The following WNK3 variants were observed in gnomAD, a reference collection of about 807,000 sequenced individuals.
The protein encoded by WNK3 is serine/threonine-protein kinase WNK3.
A neutral mutation model predicts 116.7 loss-of-function variants in WNK3; 18 were observed. That is an observed-to-expected ratio of 0.15 (90% CI 0.11 to 0.23). The LOEUF (loss-of-function observed/expected upper bound fraction) is 0.23, where lower values mean the gene tolerates loss of function less well. Among genes scored for constraint, WNK3 ranks in the 10% least tolerant of loss-of-function variants. WNK3 has a pLI of 1.00. For missense variants in WNK3, 993 were observed against 1,323.8 expected (o/e 0.75, Z 3.88); for synonymous variants, 404 against 469.4 (o/e 0.86, Z 1.80).
intron 2 of WNK3, among the ~76,000 whole-genome samples, chrX:54,313,414 C>T (rs782398419): frequency 2.1e-3 from 227 of 107,565 alleles, no homozygotes; most frequent in Non-Finnish European, 3.6e-3. Flanking sequence ...TGCAATGGCG[C>T]GATCTTGGCT....
intron 1 of WNK3, among the ~76,000 whole-genome samples, chrX:54,347,365 G>A (rs1303059025): frequency 2.7e-5 from 3 of 111,387 alleles, no homozygotes; most frequent in Non-Finnish European, 5.7e-5. Flanking sequence ...ATGTGCCTAT[G>A]ATCCCAGCTA....
chrX:54,280,229 G>A (rs781856811), intron 10 of WNK3, among the ~76,000 whole-genome samples: 4 of 109,678 alleles, frequency 3.6e-5, no homozygotes, highest in East Asian at 2.9e-4. Context: ...CCCGGGGAGC[G>A]GAGATTGCAG....
intron 22 of WNK3, among the ~76,000 whole-genome samples, chrX:54,222,935 TATATAA>T (rs1330873139): frequency 1.8e-4 from 17 of 95,088 alleles, no homozygotes; most frequent in African/African-American, 6.1e-4. Context: ...TATATATATA[TATATAA>T]AAAAAGACAC....
exon 16 of WNK3, chrX:54,250,007 T>C (rs782329626): frequency 1.7e-6 from 2 of 1,202,056 alleles, no homozygotes; most frequent in Non-Finnish European, 2.2e-6. Context: ...GAAGTGGATG[T>C]CGGCCAGGAA....
intron 2 of WNK3, among the ~76,000 whole-genome samples, chrX:54,313,581 C>A (rs1437762914): frequency 6.4e-5 from 7 of 110,074 alleles, no homozygotes; most frequent in African/African-American, 6.6e-5. Context: ...AACTCCTGAC[C>A]TCAGGTGATC....
intron 1 of WNK3, among the ~76,000 whole-genome samples, chrX:54,339,650 C>G (rs1294171707): frequency 1.8e-5 from 2 of 111,801 alleles, no homozygotes; most frequent in African/African-American, 6.5e-5. Context: ...TTATTTCAAC[C>G]AAACTTGTGG....
At chrX:54,349,113 A>C in intron 1 of WNK3, among the ~76,000 whole-genome samples, 1 of 112,357 alleles carries the variant, frequency 8.9e-6, no homozygotes, top group Non-Finnish European at 1.9e-5. Context: ...AGACAGGTGG[A>C]TCACCTGAGG....
In WNK3 at chrX:54,288,611, T is replaced by G. The variant is rs1172333929; in HGVS notation, c.2037+4277A>C. On this transcript the variant is annotated intron_variant, in intron 10 of 23. Transcript: ENST00000354646. ...GAATGAAGGACATCTGCTCAGGGTT[T>G]TGAAGCTGTCCTTCCACTGCCCTCT... Among the ~76,000 whole-genome samples the G allele has an allele frequency of 2.7e-5, 3 of 111,442 alleles. No individual in the cohort carries two copies. The Admixed American group carries it at 2.9e-4, about 11-fold the overall frequency.
chrX:54,330,777 C>G (rs1401936112), intron 2 of WNK3, among the ~76,000 whole-genome samples: 1 of 111,589 alleles, frequency 9.0e-6, no homozygotes, highest in Non-Finnish European at 1.9e-5. Context: ...AAACCCATCT[C>G]TACTAAAAAT....
At position 54,294,714 on chromosome X, in the gene WNK3, C is replaced by A. The variant is rs782608495; in HGVS notation, c.1532G>T (p.Cys511Phe). 34 of 1,208,802 alleles carry A rather than the reference C, an allele frequency of 2.8e-5. No individual in the cohort carries two copies. The Admixed American group carries it at 7.3e-4, about 26-fold the overall frequency. Residue 511 changes from cysteine to phenylalanine, a missense_variant, in exon 8 of 24, where the codon TGC (cysteine) becomes TTC (phenylalanine). Coordinates refer to ENST00000354646, the Ensembl canonical transcript of WNK3. ...AGGGAATACATTCCCCATAGACTTGCACTGAGAATCCCTGCGTTCTTCCAA... is the reference window on the plus strand; with the variant it reads ...AGGGAATACATTCCCCATAGACTTGAACTGAGAATCCCTGCGTTCTTCCAA...
At chrX:54,329,804 TC>T (rs1389294352) in intron 2 of WNK3, among the ~76,000 whole-genome samples, 1 of 112,020 alleles carries the variant, frequency 8.9e-6, no homozygotes, top group Non-Finnish European at 1.9e-5. Flanking sequence ...GGAAATTATT[TC>T]CCTCATTTAC....
chrX:54,266,249 T>C (rs1439630015), intron 10 of WNK3, among the ~76,000 whole-genome samples: 1 of 110,833 alleles, frequency 9.0e-6, no homozygotes, highest in African/African-American at 3.3e-5. Context: ...ATTATAACAA[T>C]TGAACTCATA....
intron 17 of WNK3, among the ~76,000 whole-genome samples, chrX:54,241,677 C>G (rs1036834985): frequency 9.0e-6 from 1 of 111,475 alleles, no homozygotes; most frequent in African/African-American, 3.3e-5. Flanking sequence ...ATAAGAGCTG[C>G]GCGCAGTGGC....
intron 23 of WNK3, among the ~76,000 whole-genome samples, chrX:54,199,506 C>G (rs782740872): frequency 8.9e-6 from 1 of 111,750 alleles, no homozygotes; most frequent in East Asian, 2.8e-4. Flanking sequence ...CTGATCATGT[C>G]AACCCTAGGG....
chrX:54,273,988 T>C (rs1222598745), intron 10 of WNK3, among the ~76,000 whole-genome samples: 5 of 111,540 alleles, frequency 4.5e-5, no homozygotes, highest in African/African-American at 1.6e-4. Flanking sequence ...CCAACACAAC[T>C]TGTCTCTCCT....
Position 54,311,119 on chromosome X carries a change from G to A in WNK3, c.710C>T (p.Thr237Met), listed in dbSNP as rs782411346. The A allele has an allele frequency of 1.2e-5, 14 of 1,142,538 alleles. No homozygotes were observed. The highest frequency in any genetic ancestry group is 4.1e-5 in the South Asian group (2 of 48,439). 94.2% of individuals were successfully genotyped at this position (1,142,538 alleles called of 1,213,427 possible). Residue 237 changes from threonine to methionine, a missense_variant and splice_region_variant, in exon 3 of 24, where the codon ACG (threonine) becomes ATG (methionine). Around this residue, in one of 4 missense-constraint regions of WNK3, gnomAD observed 28 missense variants for 161.7 expected, o/e 0.17. Transcript: ENST00000354646. ...ATTGGCACTATCAGGGTCAACTTAC[G>A]TCTTTAAGGTCCCAGATGTCATTAG...
chrX:54,205,391 C>T (rs1353527545), intron 22 of WNK3, among the ~76,000 whole-genome samples: 1 of 112,118 alleles, frequency 8.9e-6, no homozygotes, highest in Non-Finnish European at 1.9e-5. Flanking sequence ...GTGTATAACT[C>T]TGGTCTAACA....
intron 10 of WNK3, among the ~76,000 whole-genome samples, chrX:54,267,383 T>C (rs2068325229): frequency 9.1e-6 from 1 of 109,864 alleles, no homozygotes; most frequent in Non-Finnish European, 1.9e-5. Flanking sequence ...ATATCTCATG[T>C]CCCCCATAAA....
intron 22 of WNK3, among the ~76,000 whole-genome samples, chrX:54,211,312 C>T (rs781817573): frequency 1.8e-5 from 2 of 108,817 alleles, no homozygotes; most frequent in East Asian, 5.8e-4. Context: ...TGTGGTGATG[C>T]GTGCCTGTAA....
Sources: gnomAD v4.1 joint callset for allele counts (sites outside exome capture counted in the v4.1 genomes callset) on GRCh38, gnomAD v4.1.1 for gene constraint, gnomAD v4.1.1 regional missense constraint, MANE v1.5 for transcripts, NCBI Gene and HGNC (gene_info 2026-07-23, HGNC 2026-07-21) for gene names.